Variants in NRXN1 observed in about 807,000 individuals in gnomAD.
NRXN1 encodes neurexin-1.
Under a neutral mutation model 150.9 loss-of-function variants are expected in NRXN1, and 39 were observed. That is an observed-to-expected ratio of 0.26 (90% CI 0.20 to 0.34). The LOEUF is 0.34. Among genes scored for constraint, NRXN1 ranks in the 10% least tolerant of loss-of-function variants. NRXN1 has a pLI of 1.00. For missense variants in NRXN1, 1,815 were observed against 1,949.9 expected, an observed-to-expected ratio of 0.93 and a Z score of 1.30; for synonymous variants, 924 against 757.0, an observed-to-expected ratio of 1.22 and a Z score of -3.62.
chr2:50,382,465 G>A (rs955964071), intron 17 of NRXN1, among the ~76,000 whole-genome samples: 5 of 152,102 alleles, frequency 3.3e-5, no homozygotes, highest in Non-Finnish European at 7.4e-5. Context: ...ATTTACACCA[G>A]TGGATACTAG....
intron 5 of NRXN1, among the ~76,000 whole-genome samples, chr2:50,755,110 C>G (rs1218210404): frequency 1.3e-5 from 2 of 151,780 alleles, no homozygotes; most frequent in African/African-American, 4.8e-5. Flanking sequence ...TCTGCCTATT[C>G]TCCTGGCTCC....
At chr2:50,884,282 A>C (rs941125515) in intron 5 of NRXN1, among the ~76,000 whole-genome samples, 7 of 151,834 alleles carry the variant, frequency 4.6e-5, no homozygotes, top group Non-Finnish European at 1.0e-4. Flanking sequence ...ACAATGTATC[A>C]ATCAAAGCTG....
chr2:50,506,123 G>A (rs1361003878), intron 13 of NRXN1, among the ~76,000 whole-genome samples: 1 of 152,008 alleles, frequency 6.6e-6, no homozygotes, highest in Non-Finnish European at 1.5e-5. Context: ...GAAGTTAAAA[G>A]GTAAAACTTG....
chr2:50,603,133 T>C (rs142652374), intron 8 of NRXN1, among the ~76,000 whole-genome samples: 2 of 152,212 alleles, frequency 1.3e-5, no homozygotes, highest in Non-Finnish European at 2.9e-5. Flanking sequence ...ACACAGAGCT[T>C]ATCCATCTAC....
chr2:50,089,808 T>C (rs990753102), intron 19 of NRXN1, among the ~76,000 whole-genome samples: 5 of 151,904 alleles, frequency 3.3e-5, no homozygotes, highest in East Asian at 1.9e-4. Flanking sequence ...AAAAGTTAAA[T>C]TGATAAAGAA....
chr2:50,444,159 C>T (rs960833200), intron 17 of NRXN1, among the ~76,000 whole-genome samples: 3 of 152,120 alleles, frequency 2.0e-5, no homozygotes, highest in Non-Finnish European at 4.4e-5. Context: ...TTTCATTCTT[C>T]TCTGATAAAA....
intron 5 of NRXN1, among the ~76,000 whole-genome samples, chr2:50,810,254 C>A (rs1370167106): frequency 1.3e-5 from 2 of 152,122 alleles, no homozygotes; most frequent in Non-Finnish European, 2.9e-5. Context: ...CCACGAACTA[C>A]CATTGGATCA....
intron 8 of NRXN1, among the ~76,000 whole-genome samples, chr2:50,596,148 C>A (rs1675164328): frequency 6.6e-6 from 1 of 152,160 alleles, no homozygotes; most frequent in African/African-American, 2.4e-5. Context: ...TTGCTCATGG[C>A]CAACTTTCTA....
chr2:49,937,372 AT>A (rs1671234971), intron 22 of NRXN1, among the ~76,000 whole-genome samples: 1 of 152,036 alleles, frequency 6.6e-6, no homozygotes, highest in East Asian at 1.9e-4. Context: ...CCTTGACTAA[AT>A]CTTCCTTGCC....
intron 5 of NRXN1, among the ~76,000 whole-genome samples, chr2:50,859,841 TGTGTG>T (rs1675861765): frequency 3.8e-5 from 1 of 26,176 alleles, no homozygotes; most frequent in Non-Finnish European, 1.8e-4. Flanking sequence ...ATTATGTTTG[TGTGTG>T]TGTGTGTGTG....
chr2:50,070,604 A>G (rs1696111330), intron 19 of NRXN1, among the ~76,000 whole-genome samples: 1 of 151,706 alleles, frequency 6.6e-6, no homozygotes, highest in Non-Finnish European at 1.5e-5. Flanking sequence ...CCCCGTCTCT[A>G]CTAAAAATAC....
intron 18 of NRXN1, among the ~76,000 whole-genome samples, chr2:50,103,402 A>G (rs1701226239): frequency 2.0e-5 from 3 of 152,012 alleles, no homozygotes; most frequent in African/African-American, 7.2e-5. Flanking sequence ...TTAAATTGGT[A>G]GAAGAATGCA....
At chr2:50,723,252 G>A (rs1696903393) in intron 5 of NRXN1, among the ~76,000 whole-genome samples, 2 of 152,128 alleles carry the variant, frequency 1.3e-5, no homozygotes, top group African/African-American at 2.4e-5. Flanking sequence ...TGCAGAATAA[G>A]ACCTGAAATA....
intron 12 of NRXN1, among the ~76,000 whole-genome samples, chr2:50,523,585 T>C (rs780600983): frequency 2.6e-5 from 4 of 152,228 alleles, no homozygotes; most frequent in Non-Finnish European, 4.4e-5. Flanking sequence ...TGCATTCTTT[T>C]ATTGCTTTCC....
intron 5 of NRXN1, among the ~76,000 whole-genome samples, chr2:50,900,087 G>A (rs1682685458): frequency 6.6e-6 from 1 of 152,074 alleles, no homozygotes; most frequent in Non-Finnish European, 1.5e-5. Flanking sequence ...AGAGTAACAT[G>A]AATATTATCA....
intron 2 of NRXN1, among the ~76,000 whole-genome samples, chr2:50,999,648 C>CG (rs1268225602): frequency 6.6e-6 from 1 of 151,918 alleles, no homozygotes; most frequent in Non-Finnish European, 1.5e-5. Context: ...CGTGAAATAT[C>CG]GGGGGTGAAT....
At chr2:49,959,740 G>A (rs17039567) in intron 21 of NRXN1, among the ~76,000 whole-genome samples, 2,346 of 152,280 alleles carry the variant, frequency 0.015, 28 homozygotes, top group Non-Finnish European at 0.024. Context: ...TTCCTGGTGC[G>A]TGATAAATTC....
intron 21 of NRXN1, among the ~76,000 whole-genome samples, chr2:49,944,539 A>C (rs555828610): frequency 6.6e-6 from 1 of 152,184 alleles, no homozygotes; most frequent in Non-Finnish European, 1.5e-5. Flanking sequence ...ACAGCAAAAA[A>C]GATACCTATC....
At chr2:50,802,966 G>A (rs761952540) in intron 5 of NRXN1, among the ~76,000 whole-genome samples, 1 of 152,114 alleles carries the variant, frequency 6.6e-6, no homozygotes, top group East Asian at 1.9e-4. Context: ...CCAACATCTT[G>A]ATTTCAGATT....
Sources: allele counts gnomAD v4.1 joint callset (sites outside exome capture counted in the v4.1 genomes callset), GRCh38; gene constraint gnomAD v4.1.1; transcripts MANE v1.5; gene names NCBI Gene and HGNC (gene_info 2026-07-23, HGNC 2026-07-21).